AIG1: variants seen among roughly 807,000 people sequenced by gnomAD.
The protein encoded by AIG1 is androgen-induced gene 1 protein.
A neutral mutation model predicts 31.4 loss-of-function variants in AIG1; 23 were observed. That is an observed-to-expected ratio of 0.73 (90% CI 0.53 to 1.04). AIG1 has a LOEUF of 1.04. Ranked by LOEUF, AIG1 falls within the 50% of genes least tolerant of loss-of-function variation. The pLI, the probability that AIG1 is intolerant of heterozygous loss-of-function variation, is 0.00. For missense variants in AIG1, 274 were observed against 295.0 expected, an observed-to-expected ratio of 0.93 and a Z score of 0.52; for synonymous variants, 100 against 110.5, an observed-to-expected ratio of 0.90 and a Z score of 0.60.
intron 1 of AIG1, among the ~76,000 whole-genome samples, chr6:143,129,430 G>A (rs933166603): frequency 3.9e-5 from 6 of 152,202 alleles, no homozygotes; most frequent in African/African-American, 1.4e-4. Context: ...GTCCCAAGTA[G>A]GGGAGAACCA....
intron 4 of AIG1, among the ~76,000 whole-genome samples, chr6:143,319,686 A>C (rs1004987060): frequency 1.3e-5 from 2 of 152,180 alleles, no homozygotes; most frequent in African/African-American, 4.8e-5. Context: ...TTTTTTTGAA[A>C]AGATAAACAA....
intron 1 of AIG1, among the ~76,000 whole-genome samples, chr6:143,123,114 C>T (rs1009898351): frequency 9.2e-5 from 14 of 152,130 alleles, no homozygotes; most frequent in African/African-American, 2.7e-4. Context: ...TGGGGCCCTC[C>T]GCATTTCCTG....
At chr6:143,189,220 A>C in intron 3 of AIG1, 2 of 435,880 alleles carry the variant, frequency 4.6e-6, no homozygotes, top group Non-Finnish European at 6.1e-6. Context: ...CTTTTTTAAA[A>C]ATTTTTTTGT....
At chr6:143,315,057 G>A (rs1232709241) in intron 4 of AIG1, among the ~76,000 whole-genome samples, 2 of 152,034 alleles carry the variant, frequency 1.3e-5, no homozygotes, top group Admixed American at 6.6e-5. Context: ...TTCAGTGACC[G>A]AGAATTACTA....
chr6:143,265,716 C>A (rs1478403420), intron 3 of AIG1, among the ~76,000 whole-genome samples: 2 of 152,200 alleles, frequency 1.3e-5, no homozygotes, highest in Non-Finnish European at 2.9e-5. Context: ...ATTTCTGAGA[C>A]CCTGATAGAA....
Position 143,269,247 on chromosome 6 carries a change from TA to T in AIG1, c.400-14861del, listed in dbSNP as rs757578143. ...CTGGATGGCTTGAGTCAGAAGGTGA[TA>T]AGTTAGAAATAAAGCACTGAAATTT... is the stretch of plus-strand genomic sequence containing the variant. On this transcript the variant is annotated intron_variant, in intron 3 of 5. Transcript: ENST00000357847. Among the ~76,000 whole-genome samples the T allele has an allele frequency of 5.6e-4, 85 of 152,330 alleles. 1 individual carries two copies. The highest frequency in any genetic ancestry group is 4.0e-4 in the Non-Finnish European group (27 of 68,044).
At chr6:143,083,199 G>C (rs902740122) in intron 1 of AIG1, among the ~76,000 whole-genome samples, 3 of 152,240 alleles carry the variant, frequency 2.0e-5, no homozygotes, top group Non-Finnish European at 4.4e-5. Flanking sequence ...CAAGTGGCGA[G>C]GAAGTTTAAA....
chr6:143,337,977 G>A, intron 5 of AIG1: 1 of 398,610 alleles, frequency 2.5e-6, no homozygotes, highest in Non-Finnish European at 4.4e-6. Context: ...CTACCTCACA[G>A]CTGCCAAACT....
At chr6:143,310,890 T>C (rs945151971) in intron 4 of AIG1, among the ~76,000 whole-genome samples, 4 of 151,770 alleles carry the variant, frequency 2.6e-5, no homozygotes, top group African/African-American at 9.7e-5. Context: ...CCAAAACTCA[T>C]GCAAAGAGAA....
intron 3 of AIG1, among the ~76,000 whole-genome samples, chr6:143,203,812 A>G (rs193277650): frequency 6.6e-6 from 1 of 152,348 alleles, no homozygotes; most frequent in African/African-American, 2.4e-5. Context: ...ATTCGACAGA[A>G]GACATGGCTG....
intron 3 of AIG1, among the ~76,000 whole-genome samples, chr6:143,177,629 G>A (rs752042154): frequency 7.2e-5 from 11 of 152,182 alleles, no homozygotes; most frequent in African/African-American, 9.7e-5. Flanking sequence ...AGAGGCTATT[G>A]CACGGCTTTG....
intron 1 of AIG1, among the ~76,000 whole-genome samples, chr6:143,081,515 T>G (rs772984720): frequency 1.1e-4 from 16 of 151,504 alleles, no homozygotes; most frequent in Non-Finnish European, 1.9e-4. Flanking sequence ...TAGTTGCTAG[T>G]CTTCTCCTGG....
chr6:143,091,455 A>G (rs1263323940), intron 1 of AIG1, among the ~76,000 whole-genome samples: 1 of 152,272 alleles, frequency 6.6e-6, no homozygotes. Context: ...GCTTAACACC[A>G]GAGAAATCTT....
chr6:143,229,294 G>A lies in AIG1; in HGVS notation c.400-54816G>A, dbSNP rs545565717. Among the ~76,000 whole-genome samples, 6 of 152,268 alleles carry A rather than the reference G, an allele frequency of 3.9e-5. No individual in the cohort carries two copies. In the South Asian group the frequency reaches 1.2e-3, roughly 32 times the overall value. ...TTTGACACTACCTTAGTGTGTAATTGTATTCCACTTTTTTAACCTTTTAGT... is the reference window on the plus strand; with the variant it reads ...TTTGACACTACCTTAGTGTGTAATTATATTCCACTTTTTTAACCTTTTAGT... On this transcript the variant is annotated intron_variant, in intron 3 of 5. Transcript: ENST00000357847.
chr6:143,101,424 A>G (rs555541619), intron 1 of AIG1, among the ~76,000 whole-genome samples: 2 of 152,178 alleles, frequency 1.3e-5, no homozygotes, highest in South Asian at 2.1e-4. Flanking sequence ...TGGTTGGGGG[A>G]AAGAGGGATA....
downstream of AIG1, chr6:143,343,317 C>G (rs1583927345): frequency 4.9e-6 from 3 of 610,752 alleles, no homozygotes; most frequent in East Asian, 1.3e-4. Context: ...GAACAGGGAG[C>G]CTCTAGTGAA....
intron 1 of AIG1, among the ~76,000 whole-genome samples, chr6:143,122,947 C>A (rs979186069): frequency 6.6e-6 from 1 of 152,166 alleles, no homozygotes; most frequent in African/African-American, 2.4e-5. Context: ...TTATTCATCT[C>A]CTGATACCCT....
chr6:143,068,831 T>C (rs1776974588), intron 1 of AIG1, among the ~76,000 whole-genome samples: 2 of 152,082 alleles, frequency 1.3e-5, no homozygotes. Flanking sequence ...TAGTCAGATA[T>C]CAGAAAAAAT....
intron 1 of AIG1, among the ~76,000 whole-genome samples, chr6:143,124,860 C>T (rs1782560529): frequency 6.6e-6 from 1 of 152,124 alleles, no homozygotes; most frequent in Non-Finnish European, 1.5e-5. Flanking sequence ...AAACCACCCC[C>T]ATGATCCAAT....
Sources: gnomAD v4.1 joint callset for allele counts (sites outside exome capture counted in the v4.1 genomes callset) on GRCh38, gnomAD v4.1.1 for gene constraint, MANE v1.5 for transcripts, NCBI Gene and HGNC (gene_info 2026-07-23, HGNC 2026-07-21) for gene names.